CCDC18: variants seen among roughly 807,000 people sequenced by gnomAD.
CCDC18 encodes the protein coiled-coil domain containing 18, also known as coiled-coil domain-containing protein 18.
Under a neutral mutation model 196.0 loss-of-function variants are expected in CCDC18, and 157 were observed. The ratio of observed to expected loss-of-function variants is 0.80; its 90% CI spans 0.70 to 0.91. CCDC18 has a LOEUF of 0.91. CCDC18 is among the 40% of genes least tolerant of loss of function. CCDC18 has a pLI of 0.00. For synonymous variants in CCDC18, 482 were observed against 529.2 expected (o/e 0.91, Z 1.22); for missense variants, 1,465 against 1,611.6 (o/e 0.91, Z 1.56).
intron 6 of CCDC18, among the ~76,000 whole-genome samples, chr1:93,194,768 CATTCACA>C (rs1187579555): frequency 6.6e-6 from 1 of 152,194 alleles, no homozygotes; most frequent in Non-Finnish European, 1.5e-5. Context: ...ATGAAGACCA[CATTCACA>C]ATATAGCTGC....
rs559221623 is a variant in CCDC18, at chr1:93,206,017, A to G, written c.917+386A>G. On this transcript the variant is annotated intron_variant, in intron 8 of 28. Transcript: ENST00000690025. ...GTCCAGACTTCTCATTTTATAAGTAAACAGAAGCCCCGAGAGTAGCCAGAA... is the reference window on the plus strand; with the variant it reads ...GTCCAGACTTCTCATTTTATAAGTAGACAGAAGCCCCGAGAGTAGCCAGAA... 1.8e-4 allele frequency among the ~76,000 whole-genome samples: 27 copies of G among 152,250 alleles called. 1 individual carries two copies. The highest frequency in any genetic ancestry group is 6.3e-4 in the African/African-American group (26 of 41,558).
At chr1:93,180,542 C>T (rs779351885), upstream of CCDC18, 1 of 1,498,678 alleles carries the variant, frequency 6.7e-7, no homozygotes, top group Non-Finnish European at 9.0e-7. Flanking sequence ...TGGCTTCCCC[C>T]ACCAATGGGC....
intron 19 of CCDC18, among the ~76,000 whole-genome samples, chr1:93,236,914 T>C (rs1011856166): frequency 1.3e-5 from 2 of 152,200 alleles, no homozygotes; most frequent in African/African-American, 4.8e-5. Context: ...TGATTTAATT[T>C]GGCTAGGCTG....
At chr1:93,211,362 C>G (rs890729328) in intron 10 of CCDC18, among the ~76,000 whole-genome samples, 1 of 151,310 alleles carries the variant, frequency 6.6e-6, no homozygotes, top group Admixed American at 6.6e-5. Flanking sequence ...ATCTGTGATT[C>G]CACAACTAAG....
Position 93,220,222 on chromosome 1 carries a change from T to C in CCDC18, c.1963-1387T>C, listed in dbSNP as rs539310920. ...ATCAAAAACTATGGACATAAGAAGA[T>C]GGAACAACATTTTTTAAATGCTGAA... On this transcript the variant is annotated intron_variant, in intron 14 of 28. Transcript: ENST00000690025. 1.7e-3 allele frequency among the ~76,000 whole-genome samples: 253 copies of C among 152,278 alleles called. 2 individuals are homozygous for C. Among genetic ancestry groups the C allele is most frequent in the South Asian group, 2.9e-3 (14 of 4,812 alleles).
At chr1:93,194,348 G>T (rs1159302857) in intron 6 of CCDC18, among the ~76,000 whole-genome samples, 2 of 152,044 alleles carry the variant, frequency 1.3e-5, no homozygotes, top group East Asian at 1.9e-4. Context: ...AAACTAATAA[G>T]ATTTTATAAT....
intron 26 of CCDC18, among the ~76,000 whole-genome samples, chr1:93,260,970 A>G (rs1188669034): frequency 1.3e-5 from 2 of 152,236 alleles, no homozygotes; most frequent in Non-Finnish European, 2.9e-5. Flanking sequence ...ATGGCTGCAT[A>G]GTATTCCATG....
chr1:93,197,745 CTTTTTTTTTTT>C (rs71094240), intron 6 of CCDC18, among the ~76,000 whole-genome samples: 4 of 76,008 alleles, frequency 5.3e-5, no homozygotes, highest in African/African-American at 2.1e-4. Context: ...CTTTTCTTTT[CTTTTTTTTTTT>C]TTTTTTTTTT....
chr1:93,251,790 C>T (rs571626027), intron 23 of CCDC18, among the ~76,000 whole-genome samples: 1 of 152,058 alleles, frequency 6.6e-6, no homozygotes, highest in Non-Finnish European at 1.5e-5. Flanking sequence ...CGATCTTTGA[C>T]CTCTTTATAC....
intron 28 of CCDC18, chr1:93,271,056 G>A (rs1336828940): frequency 1.0e-6 from 1 of 983,786 alleles, no homozygotes; most frequent in Non-Finnish European, 1.2e-6. Context: ...CGAAAAATAG[G>A]AAGATAGACA....
intron 3 of CCDC18, among the ~76,000 whole-genome samples, chr1:93,185,077 T>G (rs1373338907): frequency 6.6e-6 from 1 of 151,788 alleles, no homozygotes; most frequent in Non-Finnish European, 1.5e-5. Context: ...GCAAAAGACA[T>G]GAACGGAAAA....
chr1:93,257,109 A>G lies in CCDC18; in HGVS notation c.3546+571A>G, dbSNP rs540668806. Among the ~76,000 whole-genome samples the G allele has an allele frequency of 2.0e-5, 3 of 151,800 alleles. No individual in the cohort carries two copies. In the East Asian group the frequency reaches 5.8e-4, roughly 29 times the overall value. On this transcript the variant is annotated intron_variant, in intron 25 of 28. Coordinates refer to ENST00000690025, the MANE Select transcript of CCDC18 (RefSeq NM_001378204.1). ...TAGCCAGGCATGATGGTGGGCACCT[A>G]TAGTCCCAGCTACTCGGGAGGCTAA... is the stretch of plus-strand genomic sequence containing the variant.
chr1:93,191,766 A>G (rs1651849203), intron 4 of CCDC18, among the ~76,000 whole-genome samples: 1 of 152,176 alleles, frequency 6.6e-6, no homozygotes, highest in Non-Finnish European at 1.5e-5. Context: ...TTCTCCCCTA[A>G]ATAACTCTTC....
At chr1:93,205,709 ATTG>A (rs925674280) in intron 8 of CCDC18, 78 bp downstream of exon 8, 8 of 1,289,394 alleles carry the variant, frequency 6.2e-6, no homozygotes, top group African/African-American at 6.0e-5. Context: ...ACAATATTTT[ATTG>A]TTGTAATTAT....
chr1:93,268,373 G>C (rs1190996655), intron 27 of CCDC18, among the ~76,000 whole-genome samples: 2 of 152,098 alleles, frequency 1.3e-5, no homozygotes, highest in African/African-American at 2.4e-5. Flanking sequence ...CATAGGCATG[G>C]GCAAGGACTT....
intron 16 of CCDC18, 34 bp downstream of exon 16, chr1:93,221,970 C>G (rs1240915786): frequency 1.5e-6 from 2 of 1,338,852 alleles, no homozygotes; most frequent in South Asian, 1.4e-5. Flanking sequence ...TTCTTTCTTT[C>G]CTTTTTTTTT....
In CCDC18 at chr1:93,245,856, T is replaced by G. The variant is rs553101528; in HGVS notation, c.2982-249T>G. ...TCCTGGGAGTGTTTTAGCAATTAGC[T>G]TAAATTATCTGTAATACCACAGTGT... On this transcript the variant is annotated intron_variant, in intron 21 of 28. Coordinates refer to ENST00000690025, the MANE Select transcript of CCDC18 (RefSeq NM_001378204.1). Among the ~76,000 whole-genome samples the G allele has an allele frequency of 2.1e-3, 315 of 152,284 alleles. 1 individual carries two copies. Among genetic ancestry groups the G allele is most frequent in the African/African-American group, 7.3e-3 (305 of 41,590 alleles).
intron 6 of CCDC18, among the ~76,000 whole-genome samples, chr1:93,200,840 G>A (rs567622079): frequency 6.6e-6 from 1 of 152,320 alleles, no homozygotes; most frequent in African/African-American, 2.4e-5. Flanking sequence ...AGTCTGGCTT[G>A]AAAAGAAGGA....
At chr1:93,228,272 A>G (rs183811920) in intron 17 of CCDC18, among the ~76,000 whole-genome samples, 62 of 152,202 alleles carry the variant, frequency 4.1e-4, no homozygotes, top group African/African-American at 1.4e-3. Flanking sequence ...GGCCAAAGAA[A>G]AAAGGTCTGT....
Sources: allele counts gnomAD v4.1 joint callset (sites outside exome capture counted in the v4.1 genomes callset), GRCh38; gene constraint gnomAD v4.1.1; transcripts MANE v1.5; gene names NCBI Gene and HGNC (gene_info 2026-07-23, HGNC 2026-07-21).